GALNTL6: variants seen among roughly 807,000 people sequenced by gnomAD.
The protein encoded by GALNTL6 is polypeptide N-acetylgalactosaminyltransferase-like 6.
A neutral mutation model predicts 73.7 loss-of-function variants in GALNTL6; 46 were observed. That is an observed-to-expected ratio of 0.62 (90% CI 0.49 to 0.80). The LOEUF (loss-of-function observed/expected upper bound fraction) is 0.80, where lower values mean the gene tolerates loss of function less well. Among genes scored for constraint, GALNTL6 ranks in the 30% least tolerant of loss-of-function variants. The pLI, the probability that GALNTL6 is intolerant of heterozygous loss-of-function variation, is 0.00. For synonymous variants in GALNTL6, 259 were observed against 263.7 expected, an observed-to-expected ratio of 0.98 and a Z score of 0.17; for missense variants, 604 against 755.0, an observed-to-expected ratio of 0.80 and a Z score of 2.34.
intron 5 of GALNTL6, among the ~76,000 whole-genome samples, chr4:172,468,470 G>A (rs1732921455): frequency 6.6e-6 from 1 of 152,048 alleles, no homozygotes; most frequent in Non-Finnish European, 1.5e-5. Context: ...AATCTATTGG[G>A]TACAAATGAA....
At chr4:172,367,461 G>A (rs1022047890) in intron 5 of GALNTL6, among the ~76,000 whole-genome samples, 2 of 151,264 alleles carry the variant, frequency 1.3e-5, no homozygotes, top group African/African-American at 4.9e-5. Flanking sequence ...CCCCTAGAAA[G>A]ACCTTTTTTT....
chr4:172,768,897 C>A (rs546774732), intron 5 of GALNTL6, among the ~76,000 whole-genome samples: 1 of 151,908 alleles, frequency 6.6e-6, no homozygotes, highest in South Asian at 2.1e-4. Context: ...CTCCTGTGAC[C>A]ACCCTGTCTG....
intron 2 of GALNTL6, among the ~76,000 whole-genome samples, chr4:172,080,975 G>T (rs916760363): frequency 6.6e-6 from 1 of 152,034 alleles, no homozygotes; most frequent in African/African-American, 2.4e-5. Context: ...TGGGATCACT[G>T]CTATGAAACC....
chr4:172,738,026 T>G (rs1440682319), intron 5 of GALNTL6, among the ~76,000 whole-genome samples: 1 of 152,206 alleles, frequency 6.6e-6, no homozygotes, highest in Non-Finnish European at 1.5e-5. Flanking sequence ...GTTTCTGAGC[T>G]GGAGATGGTA....
chr4:171,905,087 T>G (rs1450917960), intron 2 of GALNTL6, among the ~76,000 whole-genome samples: 1 of 152,106 alleles, frequency 6.6e-6, no homozygotes, highest in South Asian at 2.1e-4. Context: ...CTGCATCAAC[T>G]AATGAGCAAA....
chr4:172,059,253 T>C (rs141408997), intron 2 of GALNTL6, among the ~76,000 whole-genome samples: 45 of 152,282 alleles, frequency 3.0e-4, no homozygotes, highest in African/African-American at 1.1e-3. Flanking sequence ...AGGAAGCAGT[T>C]GTATTAGTTG....
intron 5 of GALNTL6, among the ~76,000 whole-genome samples, chr4:172,456,322 C>A (rs1306483020): frequency 6.6e-6 from 1 of 151,816 alleles, no homozygotes; most frequent in African/African-American, 2.4e-5. Flanking sequence ...TCCTTGCCAA[C>A]AAGGAAACAA....
Position 172,175,368 on chromosome 4 carries a change from A to G in GALNTL6, c.139-54288A>G, listed in dbSNP as rs1466085310. On this transcript the variant is annotated intron_variant, in intron 2 of 12. Transcript: ENST00000506823. The stretch of plus-strand genomic sequence containing the variant: ...GGCGTGAGTCTCCCAAAGTGCTGTA[A>G]TTATAGGTATGAGCCACAGTACCTG... Among the ~76,000 whole-genome samples, 6 of 152,272 alleles carry G rather than the reference A, an allele frequency of 3.9e-5. No homozygotes were observed. The East Asian group carries it at 9.6e-4, about 24-fold the overall frequency.
intron 5 of GALNTL6, among the ~76,000 whole-genome samples, chr4:172,388,515 G>A (rs1240530282): frequency 1.3e-5 from 2 of 152,016 alleles, no homozygotes; most frequent in Non-Finnish European, 2.9e-5. Context: ...CCTTGGTAAG[G>A]TATTTACTTC....
At chr4:172,019,056 C>A (rs771019049) in intron 2 of GALNTL6, among the ~76,000 whole-genome samples, 13 of 152,188 alleles carry the variant, frequency 8.5e-5, no homozygotes, top group Non-Finnish European at 1.6e-4. Flanking sequence ...TTTTTCCCCT[C>A]TCACACTTTG....
intron 5 of GALNTL6, among the ~76,000 whole-genome samples, chr4:172,788,148 C>G (rs1739765926): frequency 6.6e-6 from 1 of 151,894 alleles, no homozygotes; most frequent in Non-Finnish European, 1.5e-5. Flanking sequence ...GAATTTGAGA[C>G]CAGCCTGGGC....
At chr4:172,824,047 T>C (rs1742089865) in intron 7 of GALNTL6, among the ~76,000 whole-genome samples, 1 of 152,138 alleles carries the variant, frequency 6.6e-6, no homozygotes, top group South Asian at 2.1e-4. Context: ...GCCAGTGGGC[T>C]TGTTGGCGAG....
intron 8 of GALNTL6, among the ~76,000 whole-genome samples, chr4:172,912,479 T>C (rs554553528): frequency 6.6e-6 from 1 of 152,292 alleles, no homozygotes; most frequent in Admixed American, 6.5e-5. Flanking sequence ...AGGGAAGCCA[T>C]GACAGACGGT....
chr4:171,931,695 C>A (rs1274010332), intron 2 of GALNTL6, among the ~76,000 whole-genome samples: 2 of 152,122 alleles, frequency 1.3e-5, no homozygotes, highest in Non-Finnish European at 2.9e-5. Flanking sequence ...ATTTGAATAT[C>A]AACTAGATGT....
At chr4:172,845,704 G>A (rs1743471812) in intron 7 of GALNTL6, among the ~76,000 whole-genome samples, 1 of 152,118 alleles carries the variant, frequency 6.6e-6, no homozygotes, top group Non-Finnish European at 1.5e-5. Flanking sequence ...TAAGTGGACT[G>A]AAGTGAACCT....
chr4:172,888,127 T>G (rs896467227), intron 8 of GALNTL6, among the ~76,000 whole-genome samples: 6 of 152,208 alleles, frequency 3.9e-5, no homozygotes, highest in Non-Finnish European at 1.5e-5. Flanking sequence ...TTTTCTCCCA[T>G]TCTGTGGGTT....
intron 2 of GALNTL6, among the ~76,000 whole-genome samples, chr4:171,903,164 T>C (rs1256346407): frequency 6.6e-6 from 1 of 152,064 alleles, no homozygotes; most frequent in African/African-American, 2.4e-5. Flanking sequence ...TAGGAACAGC[T>C]CCGGTCTGCA....
intron 8 of GALNTL6, among the ~76,000 whole-genome samples, chr4:172,922,429 T>C (rs1026053583): frequency 1.3e-5 from 2 of 152,208 alleles, no homozygotes; most frequent in Admixed American, 6.5e-5. Context: ...TAAGGAATCA[T>C]GTTCCCACAC....
At chr4:172,395,147 T>G (rs1001502888) in intron 5 of GALNTL6, among the ~76,000 whole-genome samples, 1 of 152,238 alleles carries the variant, frequency 6.6e-6, no homozygotes, top group Non-Finnish European at 1.5e-5. Flanking sequence ...CGATTGTTAA[T>G]TAACTTATGT....
Sources: gnomAD v4.1 joint callset for allele counts (sites outside exome capture counted in the v4.1 genomes callset) on GRCh38, gnomAD v4.1.1 for gene constraint, MANE v1.5 for transcripts, NCBI Gene and HGNC (gene_info 2026-07-23, HGNC 2026-07-21) for gene names.